Variants in DPP10 observed in about 807,000 individuals in gnomAD.
The protein encoded by DPP10 is dipeptidyl peptidase like 10.
DPP10 carries 33 observed loss-of-function variants against 120.9 expected under a neutral mutation model. That is an observed-to-expected ratio of 0.27 (90% confidence interval 0.21 to 0.37). DPP10 has a LOEUF of 0.37. DPP10 is among the 10% of genes least tolerant of loss of function. The pLI is 1.00. For synonymous variants in DPP10, 337 were observed against 326.1 expected, an observed-to-expected ratio of 1.03 and a Z score of -0.36; for missense variants, 816 against 942.8, an observed-to-expected ratio of 0.87 and a Z score of 1.76.
At chr2:115,056,313 A>G (rs1490181333) in intron 1 of DPP10, among the ~76,000 whole-genome samples, 1 of 152,168 alleles carries the variant, frequency 6.6e-6, no homozygotes, top group Non-Finnish European at 1.5e-5. Flanking sequence ...TATTATGTGT[A>G]GGGTCTGGTA....
intron 1 of DPP10, among the ~76,000 whole-genome samples, chr2:115,221,759 T>TG: frequency 4.3e-5 from 1 of 23,046 alleles, no homozygotes; most frequent in East Asian, 2.1e-3. Context: ...TTTCTGTTTT[T>TG]TTTTTTTTTT....
At chr2:115,297,672 C>T (rs1186712028) in intron 1 of DPP10, among the ~76,000 whole-genome samples, 2 of 151,982 alleles carry the variant, frequency 1.3e-5, no homozygotes, top group African/African-American at 4.8e-5. Flanking sequence ...AGTCTGTTAA[C>T]TAGAAACTAC....
At chr2:114,793,493 C>G (rs1217619114) in intron 1 of DPP10, among the ~76,000 whole-genome samples, 2 of 152,118 alleles carry the variant, frequency 1.3e-5, no homozygotes, top group Admixed American at 6.6e-5. Flanking sequence ...TTTTTTATGG[C>G]TGTTTTTAAA....
rs2086641853 is a variant in DPP10 at position 115,639,908 on chromosome 2, A to G, written c.442-49779A>G. Among the ~76,000 whole-genome samples the G allele has an allele frequency of 3.3e-5, 5 of 152,106 alleles. No homozygotes were observed. In the South Asian group the frequency reaches 1.0e-3, roughly 31 times the overall value. ...CTTCAGCACTGAGAACAGAGACTGA[A>G]TTAGAGGACCAGATATATAAGTGAT... On this transcript the variant is annotated intron_variant, in intron 5 of 25. Transcript: ENST00000410059.
intron 5 of DPP10, among the ~76,000 whole-genome samples, chr2:115,567,166 C>T (rs1028378517): frequency 4.6e-5 from 7 of 151,414 alleles, no homozygotes; most frequent in Non-Finnish European, 1.0e-4. Context: ...ATTTGAAACA[C>T]GGTTTTTCTC....
chr2:115,769,271 A>T (rs1012423155), intron 13 of DPP10, among the ~76,000 whole-genome samples: 1 of 152,074 alleles, frequency 6.6e-6, no homozygotes, highest in African/African-American at 2.4e-5. Flanking sequence ...ATACTTACAA[A>T]ATATAGAATA....
intron 1 of DPP10, among the ~76,000 whole-genome samples, chr2:115,132,453 C>T (rs950838285): frequency 1.3e-5 from 2 of 152,134 alleles, no homozygotes; most frequent in African/African-American, 4.8e-5. Context: ...CAAAATATGT[C>T]AAAGAAATAT....
intron 3 of DPP10, among the ~76,000 whole-genome samples, chr2:115,373,752 C>G (rs1220538757): frequency 6.6e-6 from 1 of 151,554 alleles, no homozygotes; most frequent in East Asian, 2.0e-4. Flanking sequence ...CTGGGTAGTT[C>G]AGGAAGAAAA....
intron 1 of DPP10, among the ~76,000 whole-genome samples, chr2:115,137,255 G>C (rs1372682105): frequency 6.6e-6 from 1 of 152,164 alleles, no homozygotes; most frequent in Non-Finnish European, 1.5e-5. Context: ...TAAATAAATA[G>C]AACTTTAGAG....
intron 7 of DPP10, among the ~76,000 whole-genome samples, chr2:115,713,161 ATAGG>A: frequency 6.6e-6 from 1 of 152,262 alleles, no homozygotes; most frequent in Non-Finnish European, 1.5e-5. Context: ...ATTAAAAGAA[ATAGG>A]TAGCAATGAG....
intron 1 of DPP10, among the ~76,000 whole-genome samples, chr2:114,741,646 G>A (rs1465588185): frequency 6.6e-6 from 1 of 152,144 alleles, no homozygotes; most frequent in Non-Finnish European, 1.5e-5. Flanking sequence ...ATGCACTCAA[G>A]TTCAGATGAG....
intron 1 of DPP10, among the ~76,000 whole-genome samples, chr2:114,790,539 C>A (rs1683145959): frequency 6.6e-6 from 1 of 152,060 alleles, no homozygotes; most frequent in Admixed American, 6.6e-5. Flanking sequence ...TGTATTTCAC[C>A]TGGGTGCAGG....
chr2:115,769,753 C>G (rs1282636298), intron 13 of DPP10, among the ~76,000 whole-genome samples: 2 of 151,700 alleles, frequency 1.3e-5, no homozygotes, highest in African/African-American at 4.8e-5. Context: ...ATTAAGGGAA[C>G]TTTTTTTATG....
At chr2:115,830,282 C>T (rs1440895904) in intron 21 of DPP10, among the ~76,000 whole-genome samples, 1 of 150,118 alleles carries the variant, frequency 6.7e-6, no homozygotes, top group Admixed American at 6.7e-5. Context: ...CGCTTGAACC[C>T]AGTAGGTGGA....
At chr2:114,879,984 G>A (rs1397047356) in intron 1 of DPP10, among the ~76,000 whole-genome samples, 1 of 152,114 alleles carries the variant, frequency 6.6e-6, no homozygotes, top group African/African-American at 2.4e-5. Flanking sequence ...AGCAATCCTG[G>A]TTTAGATGAC....
Position 115,204,018 on chromosome 2 carries a change from C to T in DPP10, c.61-105221C>T, listed in dbSNP as rs184830597. On this transcript the variant is annotated intron_variant, in intron 1 of 25. Coordinates refer to ENST00000410059, the MANE Select transcript of DPP10 (RefSeq NM_020868.6). ...AATGACAAATTTCTGTGGCGATGGG[C>T]GAGTTTAAGCAGAAGAGACTCCCCC... Among the ~76,000 whole-genome samples, 18 of 152,134 alleles carry T rather than the reference C, an allele frequency of 1.2e-4. 2 individuals are homozygous for T. The highest frequency in any genetic ancestry group is 4.1e-4 in the African/African-American group (17 of 41,518).
chr2:114,600,755 A>G (rs575536111), intron 1 of DPP10, among the ~76,000 whole-genome samples: 39 of 152,048 alleles, frequency 2.6e-4, no homozygotes, highest in African/African-American at 9.1e-4. Context: ...GCATTGGAAT[A>G]GAAAAATACG....
chr2:115,646,277 G>A (rs983737738), intron 5 of DPP10, among the ~76,000 whole-genome samples: 58 of 152,120 alleles, frequency 3.8e-4, no homozygotes, highest in Non-Finnish European at 6.3e-4. Context: ...AAACTTAGTA[G>A]GCTCATAGAA....
At chr2:115,446,118 C>A (rs543050231) in intron 3 of DPP10, among the ~76,000 whole-genome samples, 2 of 152,340 alleles carry the variant, frequency 1.3e-5, no homozygotes, top group East Asian at 3.9e-4. Flanking sequence ...CAGGCTGTTG[C>A]TTCAGAGGGT....
Sources: gnomAD v4.1 joint callset for allele counts (sites outside exome capture counted in the v4.1 genomes callset) on GRCh38, gnomAD v4.1.1 for gene constraint, MANE v1.5 for transcripts, NCBI Gene and HGNC (gene_info 2026-07-23, HGNC 2026-07-21) for gene names.